The following SPATA17 variants were observed in gnomAD, a reference collection of about 807,000 sequenced individuals.
SPATA17 encodes the protein spermatogenesis associated 17.
SPATA17 carries 53 observed loss-of-function variants against 62.2 expected under a neutral mutation model. The observed-to-expected ratio is 0.85, with a 90% confidence interval of 0.68 to 1.07. The LOEUF (loss-of-function observed/expected upper bound fraction) is 1.07, where lower values mean the gene tolerates loss of function less well. Ranked by LOEUF, SPATA17 falls within the 50% of genes least tolerant of loss-of-function variation. The pLI, the probability that SPATA17 is intolerant of heterozygous loss-of-function variation, is 0.00. For synonymous variants in SPATA17, 146 were observed against 146.8 expected (o/e 0.99, Z 0.04); for missense variants, 466 against 425.5 (o/e 1.10, Z -0.84).
chr1:217,852,134 C>T (rs1675680539), intron 9 of SPATA17, among the ~76,000 whole-genome samples: 1 of 152,072 alleles, frequency 6.6e-6, no homozygotes, highest in Admixed American at 6.6e-5. Flanking sequence ...CACCAGAGCC[C>T]ACAGTTACGA....
intron 5 of SPATA17, among the ~76,000 whole-genome samples, chr1:217,697,146 C>A (rs994126961): frequency 2.1e-4 from 32 of 152,140 alleles, no homozygotes; most frequent in Admixed American, 2.6e-4. Context: ...GTAGCTGGGA[C>A]CACAGGCATG....
chr1:217,695,713 A>T (rs932196444), intron 5 of SPATA17, among the ~76,000 whole-genome samples: 2 of 83,072 alleles, frequency 2.4e-5, no homozygotes, highest in African/African-American at 1.0e-4. Context: ...CTTCTAACAG[A>T]CAGGACCCTC....
chr1:217,817,359 A>G lies in SPATA17; in HGVS notation c.1005+15509A>G, dbSNP rs147336188. On this transcript the variant is annotated intron_variant, in intron 9 of 10. Coordinates refer to ENST00000366933, the MANE Select transcript of SPATA17 (RefSeq NM_138796.4). ...TCATAATAGCAAACAAGTTCTCATA[A>G]GATCTGACAGTTTTATAAGAGGTTT... 2.2e-3 allele frequency among the ~76,000 whole-genome samples: 336 copies of G among 152,148 alleles called. 2 individuals are homozygous for G. Among genetic ancestry groups the G allele is most frequent in the African/African-American group, 6.7e-3 (277 of 41,538 alleles).
intron 9 of SPATA17, among the ~76,000 whole-genome samples, chr1:217,852,150 A>G (rs1675681165): frequency 6.6e-6 from 1 of 152,182 alleles, no homozygotes; most frequent in African/African-American, 2.4e-5. Flanking sequence ...TACGAAAAGA[A>G]TACCTGACAT....
rs974715757 is a variant in SPATA17 at position 217,678,205 on chromosome 1, CT to C, written c.292-5032del. On this transcript the variant is annotated intron_variant, in intron 4 of 10. Transcript: ENST00000366933. ...CATGCCTTCATTTTTCTTTTCTTTT[CT>C]TTTTTTTTTTTTTTTTTTTTGAGAT... 3.2e-3 allele frequency among the ~76,000 whole-genome samples: 343 copies of C among 107,516 alleles called. 1 individual carries two copies. The highest frequency in any genetic ancestry group is 7.1e-3 in the African/African-American group (202 of 28,346). The allele number at this position is 107,516 out of a possible 152,430, so 70.5% of individuals were successfully genotyped here. A position where few individuals can be genotyped will look rare whatever the true frequency, so the allele number is the denominator to read the frequency against.
At chr1:217,825,064 G>A (rs1281352362) in intron 9 of SPATA17, among the ~76,000 whole-genome samples, 3 of 149,238 alleles carry the variant, frequency 2.0e-5, no homozygotes, top group Non-Finnish European at 4.5e-5. Flanking sequence ...TTATTTATAT[G>A]AATACATATA....
Position 217,870,382 on chromosome 1 carries a change from C to G in SPATA17, c.*3363C>G, listed in dbSNP as rs899829205. 2 of 152,108 alleles carry G rather than the reference C, an allele frequency of 1.3e-5. No homozygotes were observed. Among genetic ancestry groups the G allele is most frequent in the Non-Finnish European group, 2.9e-5 (2 of 68,032 alleles). The allele number at this position is 152,108 out of a possible 1,614,324, so 9.4% of individuals were successfully genotyped here. On this transcript the variant is annotated 3_prime_UTR_variant, in exon 11 of 11. Transcript: ENST00000366933. ...CCTTAACCACCATCTGCCTCTCCCC[C>G]CAGACACACATAAGTTTATGATAAC...
chr1:217,857,266 A>C (rs1675806949), intron 9 of SPATA17, among the ~76,000 whole-genome samples: 1 of 152,166 alleles, frequency 6.6e-6, no homozygotes, highest in South Asian at 2.1e-4. Flanking sequence ...GCCAACCTAA[A>C]GTAATCTTAC....
At chr1:217,801,623 T>A (rs1329845891) in intron 8 of SPATA17, 95 bp from the exon 9 acceptor site, 12 of 961,796 alleles carry the variant, frequency 1.2e-5, no homozygotes, top group Non-Finnish European at 1.8e-5. Flanking sequence ...CTTGTATCAT[T>A]TTCACTGTAC....
chr1:217,652,069 T>C (rs1047988655), intron 3 of SPATA17, among the ~76,000 whole-genome samples: 1 of 152,228 alleles, frequency 6.6e-6, no homozygotes, highest in Non-Finnish European at 1.5e-5. Context: ...TATGTCTCAT[T>C]AGTGTTGCAC....
intron 9 of SPATA17, among the ~76,000 whole-genome samples, chr1:217,862,456 A>G (rs1243408040): frequency 1.3e-5 from 2 of 152,182 alleles, no homozygotes; most frequent in South Asian, 2.1e-4. Flanking sequence ...ACCAATCCCT[A>G]TGAAGCCAAG....
At chr1:217,652,218 A>G (rs1226616610) in intron 3 of SPATA17, among the ~76,000 whole-genome samples, 1 of 152,170 alleles carries the variant, frequency 6.6e-6, no homozygotes, top group Non-Finnish European at 1.5e-5. Context: ...ATTGGTCACC[A>G]GTCTGAGTAT....
chr1:217,829,325 C>T (rs899855560), intron 9 of SPATA17, among the ~76,000 whole-genome samples: 4 of 151,910 alleles, frequency 2.6e-5, no homozygotes, highest in South Asian at 2.1e-4. Context: ...AAGCCAGACA[C>T]AGAAAGAAAA....
At chr1:217,857,633 A>G (rs1675812673) in intron 9 of SPATA17, among the ~76,000 whole-genome samples, 3 of 152,190 alleles carry the variant, frequency 2.0e-5, no homozygotes, top group Non-Finnish European at 4.4e-5. Flanking sequence ...ATCGGATGAC[A>G]TGTTTTATCA....
At chr1:217,859,468 C>A (rs1235926948) in intron 9 of SPATA17, among the ~76,000 whole-genome samples, 1 of 151,888 alleles carries the variant, frequency 6.6e-6, no homozygotes. Context: ...AGTGCAGTGG[C>A]ACAACCATGG....
intron 6 of SPATA17, among the ~76,000 whole-genome samples, chr1:217,761,446 C>T (rs1197198377): frequency 6.6e-6 from 1 of 152,200 alleles, no homozygotes; most frequent in Non-Finnish European, 1.5e-5. Context: ...CCTAACTCCA[C>T]AGAATAGTGT....
chr1:217,737,250 A>C (rs1014205175), intron 5 of SPATA17, among the ~76,000 whole-genome samples: 2 of 152,204 alleles, frequency 1.3e-5, no homozygotes, highest in Non-Finnish European at 2.9e-5. Flanking sequence ...GGACTATGAA[A>C]GTATTAAATG....
chr1:217,688,685 T>G (rs1167070525), intron 5 of SPATA17, among the ~76,000 whole-genome samples: 1 of 152,184 alleles, frequency 6.6e-6, no homozygotes, highest in Non-Finnish European at 1.5e-5. Flanking sequence ...TGCTCATCAT[T>G]CTTTATGTTG....
intron 6 of SPATA17, among the ~76,000 whole-genome samples, chr1:217,753,217 A>T (rs1399155315): frequency 6.6e-6 from 1 of 152,200 alleles, no homozygotes; most frequent in Non-Finnish European, 1.5e-5. Context: ...AGGGGCCCCA[A>T]AGCTTAAGCT....
Sources: allele counts gnomAD v4.1 joint callset (sites outside exome capture counted in the v4.1 genomes callset), GRCh38; gene constraint gnomAD v4.1.1; transcripts MANE v1.5; gene names NCBI Gene and HGNC (gene_info 2026-07-23, HGNC 2026-07-21).